The following ASTN2 variants were observed in gnomAD, a reference collection of about 807,000 sequenced individuals.
ASTN2 encodes astrotactin 2.
ASTN2 carries 54 observed loss-of-function variants against 139.8 expected under a neutral mutation model. The ratio of observed to expected loss-of-function variants is 0.39; its 90% CI spans 0.31 to 0.48. The LOEUF (loss-of-function observed/expected upper bound fraction) is 0.48. Among genes scored for constraint, ASTN2 ranks in the 20% least tolerant of loss-of-function variants. The pLI is 0.95. For missense variants in ASTN2, 1,565 were observed against 1,725.1 expected (o/e 0.91, Z 1.64); for synonymous variants, 756 against 719.5 (o/e 1.05, Z -0.81).
intron 10 of ASTN2, among the ~76,000 whole-genome samples, chr9:116,926,815 T>C (rs1564344199): frequency 6.6e-6 from 1 of 152,264 alleles, no homozygotes; most frequent in East Asian, 1.9e-4. Context: ...TGTAGCTGAC[T>C]CCAAAACCCA....
intron 13 of ASTN2, among the ~76,000 whole-genome samples, chr9:116,764,362 G>T (rs530525206): frequency 6.6e-6 from 1 of 152,280 alleles, no homozygotes; most frequent in Non-Finnish European, 1.5e-5. Flanking sequence ...ATGCTGAAGG[G>T]CCTCTTTAGT....
intron 10 of ASTN2, among the ~76,000 whole-genome samples, chr9:116,921,447 G>T (rs1220236063): frequency 6.6e-6 from 1 of 152,062 alleles, no homozygotes; most frequent in Non-Finnish European, 1.5e-5. Context: ...AATTAGCCAG[G>T]TGTGGTGGAG....
intron 7 of ASTN2, among the ~76,000 whole-genome samples, chr9:117,004,294 A>AT (rs1011650358): frequency 6.6e-6 from 1 of 151,880 alleles, no homozygotes; most frequent in Non-Finnish European, 1.5e-5. Flanking sequence ...TAATTTTCGT[A>AT]TTTTTTTGTA....
intron 1 of ASTN2, among the ~76,000 whole-genome samples, chr9:117,305,261 T>C (rs1834971150): frequency 6.6e-6 from 1 of 152,166 alleles, no homozygotes; most frequent in African/African-American, 2.4e-5. Flanking sequence ...TCTGACTCCT[T>C]CCCTAGGTCA....
chr9:116,579,623 G>A (rs10114859), intron 19 of ASTN2, among the ~76,000 whole-genome samples: 3,442 of 152,290 alleles, frequency 0.023, 132 homozygotes, highest in African/African-American at 0.078. Flanking sequence ...GTACATGCCT[G>A]TAGACCCAGC....
At chr9:117,085,340 CAGCA>C (rs1248415902) in intron 5 of ASTN2, among the ~76,000 whole-genome samples, 2 of 152,354 alleles carry the variant, frequency 1.3e-5, no homozygotes, top group Admixed American at 1.3e-4. Flanking sequence ...TGGGCTCTCC[CAGCA>C]AGAGCAAGCA....
At chr9:116,770,410 G>A (rs1009942295) in intron 13 of ASTN2, among the ~76,000 whole-genome samples, 1 of 152,184 alleles carries the variant, frequency 6.6e-6, no homozygotes, top group Non-Finnish European at 1.5e-5. Flanking sequence ...TGCGGGTTAT[G>A]TGCCAGGTGC....
chr9:117,081,142 T>C (rs937585578), intron 5 of ASTN2, among the ~76,000 whole-genome samples: 2 of 152,196 alleles, frequency 1.3e-5, no homozygotes, highest in Non-Finnish European at 2.9e-5. Context: ...ACTGAGTGAC[T>C]TGGGGTACTG....
Position 116,999,548 on chromosome 9 carries a change from C to CTTTT in ASTN2, c.1591+8540_1591+8543dup, listed in dbSNP as rs71379248. On this transcript the variant is annotated intron_variant, in intron 7 of 22. Coordinates refer to ENST00000313400, the MANE Select transcript of ASTN2 (RefSeq NM_001365068.1). ...TTCCTCTTTCTTTCTTTCTCTCTTT[C>CTTTT]TTTTTTTTTTTTTTTTTTTTTTTTT... Among the ~76,000 whole-genome samples the CTTTT allele has an allele frequency of 1.6e-3, 152 of 94,928 alleles. 10 individuals are homozygous for CTTTT. Among genetic ancestry groups the CTTTT allele is most frequent in the African/African-American group, 3.9e-3 (79 of 20,368 alleles). 62.3% of individuals were successfully genotyped at this position (94,928 alleles called of 152,430 possible).
rs529788309 is a variant in ASTN2 at position 116,871,684 on chromosome 9, A to T, written c.1890-7951T>A. Among the ~76,000 whole-genome samples the T allele has an allele frequency of 4.6e-5, 7 of 152,300 alleles. No homozygotes were observed. In the South Asian group the frequency reaches 1.5e-3, roughly 32 times the overall value. ...TGCCAAATGATATTCCATTATATAG[A>T]TATTCCACATTTTATTCCTCTATCA... On this transcript the variant is annotated intron_variant, in intron 10 of 22. Coordinates refer to ENST00000313400, the MANE Select transcript of ASTN2 (RefSeq NM_001365068.1).
Position 116,733,415 on chromosome 9 carries a change from G to A in ASTN2, c.2505C>T (p.Asp835=), listed in dbSNP as rs1283238492. The change falls in exon 14 of 23, where the codon GAC becomes GAT. Residue 835 remains aspartate, a synonymous_variant. Coordinates refer to ENST00000313400, the MANE Select transcript of ASTN2 (RefSeq NM_001365068.1). The stretch of plus-strand genomic sequence containing the variant: ...GTGTCTTACCAGTGAGCAGTTGGAG[G>A]TCTGGAAGGGGCTCGGAGAGGACCC... The part of the protein sequence containing the change: ...CRGVLSEPLP[D]LQLLTGDIRY... 4 of 1,614,060 alleles carry A rather than the reference G, an allele frequency of 2.5e-6. No homozygotes were observed. In the East Asian group the frequency reaches 6.7e-5, roughly 27 times the overall value.
At chr9:116,976,657 G>T in intron 8 of ASTN2, 44 bp downstream of exon 8, 1 of 1,549,258 alleles carries the variant, frequency 6.5e-7, no homozygotes, top group South Asian at 1.1e-5. Context: ...GGAGGTAAAA[G>T]TGGGTCCTGC....
chr9:117,058,638 T>A (rs1479412675), intron 5 of ASTN2, among the ~76,000 whole-genome samples: 1 of 152,212 alleles, frequency 6.6e-6, no homozygotes, highest in African/African-American at 2.4e-5. Context: ...CAGAGATGCA[T>A]CTTTCTGAGC....
chr9:116,802,950 C>T (rs964644034), intron 13 of ASTN2, among the ~76,000 whole-genome samples: 95 of 152,196 alleles, frequency 6.2e-4, no homozygotes, highest in Non-Finnish European at 2.8e-4. Flanking sequence ...AGTTCACAAA[C>T]TTTGTCCTTT....
chr9:117,307,562 T>C (rs1835033424), intron 1 of ASTN2, among the ~76,000 whole-genome samples: 1 of 152,216 alleles, frequency 6.6e-6, no homozygotes, highest in African/African-American at 2.4e-5. Context: ...TCCTGTAATG[T>C]GCTCACTAGG....
chr9:116,820,804 AG>A, intron 11 of ASTN2, 21 bp from the exon 12 acceptor site: 1 of 1,601,094 alleles, frequency 6.2e-7, no homozygotes, highest in Non-Finnish European at 8.5e-7. Context: ...AGAGGGCAAC[AG>A]GGTAGTTATG....
At chr9:116,875,158 T>A (rs940376657) in intron 10 of ASTN2, among the ~76,000 whole-genome samples, 1 of 152,140 alleles carries the variant, frequency 6.6e-6, no homozygotes, top group Non-Finnish European at 1.5e-5. Context: ...CCAAGACTGA[T>A]GAAAAGCTGG....
intron 2 of ASTN2, among the ~76,000 whole-genome samples, chr9:117,225,193 G>A (rs1832662736): frequency 6.6e-6 from 1 of 152,008 alleles, no homozygotes; most frequent in African/African-American, 2.4e-5. Context: ...CTAAGGGCAG[G>A]TGACCAAAAT....
intron 19 of ASTN2, chr9:116,568,393 T>C (rs1853343466): frequency 6.6e-6 from 1 of 152,138 alleles, no homozygotes; most frequent in Non-Finnish European, 1.5e-5. Flanking sequence ...AGATGTTAAG[T>C]AGATGAAAGA....
Sources: gnomAD v4.1 joint callset for allele counts (sites outside exome capture counted in the v4.1 genomes callset) on GRCh38, gnomAD v4.1.1 for gene constraint, MANE v1.5 for transcripts, NCBI Gene and HGNC (gene_info 2026-07-23, HGNC 2026-07-21) for gene names.